Variants in DLX6 observed in about 807,000 individuals in gnomAD.
DLX6 encodes distal-less homeobox 6, also known as homeobox protein DLX-6.
Under a neutral mutation model 33.5 loss-of-function variants are expected in DLX6, and 4 were observed. The ratio of observed to expected loss-of-function variants is 0.12; its 90% CI spans 0.06 to 0.27. The LOEUF is 0.27. Among genes scored for constraint, DLX6 ranks in the 10% least tolerant of loss-of-function variants. DLX6 has a pLI of 1.00. For synonymous variants in DLX6, 184 were observed against 164.8 expected, an observed-to-expected ratio of 1.12 and a Z score of -0.89; for missense variants, 382 against 393.3, an observed-to-expected ratio of 0.97 and a Z score of 0.24.
At position 97,005,931 on chromosome 7, in the gene DLX6, G is replaced by A; in HGVS notation, c.-47G>A. ...AGCGGCGCGAGCCAAGTGGGGGAGGGTGGAGGAAACCCGGGAGAAGGCTTT... is the reference window on the plus strand; with the variant it reads ...AGCGGCGCGAGCCAAGTGGGGGAGGATGGAGGAAACCCGGGAGAAGGCTTT... On this transcript the variant is annotated 5_prime_UTR_variant, in exon 1 of 3. It adds an upstream start codon to the 5' untranslated region. Coordinates refer to ENST00000518156, the MANE Select transcript of DLX6 (RefSeq NM_005222.4). 6.7e-7 allele frequency: 1 copy of A among 1,495,626 alleles called. No individual in the cohort carries two copies. The highest frequency in any genetic ancestry group is 9.0e-7 in the Non-Finnish European group (1 of 1,114,928). 92.6% of individuals were successfully genotyped at this position (1,495,626 alleles called of 1,614,324 possible).
Position 97,006,066 on chromosome 7 carries a change from AGC to A in DLX6, c.90_91del (p.Gln31AlafsTer123). On this transcript the variant is annotated frameshift_variant, in exon 1 of 3. Transcript: ENST00000518156. LOFTEE classifies it high-confidence loss of function. ...ATGGAGTTCGGGCAGCAGCAGCAGCAGCAGCAGCAACAGCAGCAGCAGCAGCA... is the reference window on the plus strand; with the variant it reads ...ATGGAGTTCGGGCAGCAGCAGCAGCAAGCAGCAACAGCAGCAGCAGCAGCA... The A allele has an allele frequency of 6.3e-7, 1 of 1,578,026 alleles. No individual in the cohort carries two copies.
rs575211886 is a variant in DLX6, at chr7:97,009,676, C to T, written c.631-120C>T. 187 of 1,437,276 alleles carry T rather than the reference C, an allele frequency of 1.3e-4. 1 individual carries two copies. The South Asian group carries it at 2.0e-3, about 15-fold the overall frequency. 89.0% of individuals were successfully genotyped at this position (1,437,276 alleles called of 1,614,324 possible). ...CGGGGACTTGGCTTGTAGGCGTTGG[C>T]GGTGGTTGTTTTTTGTTTTTTGTTT... is the stretch of plus-strand genomic sequence containing the variant. On this transcript the variant is annotated intron_variant, in intron 2 of 2. Transcript: ENST00000518156.
At chr7:97,008,679 C>G (rs1478155929) in intron 2 of DLX6, among the ~76,000 whole-genome samples, 3 of 152,214 alleles carry the variant, frequency 2.0e-5, no homozygotes, top group African/African-American at 7.2e-5. Flanking sequence ...AATTTACCTA[C>G]ATGGAGTAAG....
rs539466091 is a variant in DLX6, at chr7:97,006,537, C to T, written c.436+124C>T. 3.1e-3 allele frequency: 3,283 copies of T among 1,065,270 alleles called. 8 individuals are homozygous for T. Among genetic ancestry groups the T allele is most frequent in the Middle Eastern group, 9.1e-3 (25 of 2,756 alleles). 66.0% of individuals were successfully genotyped at this position (1,065,270 alleles called of 1,614,324 possible). On this transcript the variant is annotated intron_variant, in intron 1 of 2. Transcript: ENST00000518156. ...CCTCCCCCAGGCGGCCCCGCGCGCC[C>T]TTGGCCGGGCCCCGTGCGCGCCCGC...
rs758915143 is a variant in DLX6 at position 97,007,635 on chromosome 7, C to T, written c.437-3C>T. 3.1e-6 allele frequency: 5 copies of T among 1,606,676 alleles called. No individual in the cohort carries two copies. Among genetic ancestry groups the T allele is most frequent in the Non-Finnish European group, 4.3e-6 (5 of 1,176,346 alleles). ...ACCGCTCCTCTGTATTATTTGCTTA[C>T]AGATCAACAAAAAACTACAGTGATT... is the stretch of plus-strand genomic sequence containing the variant. On this transcript the variant is annotated splice_region_variant and splice_polypyrimidine_tract_variant and intron_variant, in intron 1 of 2. Transcript: ENST00000518156.
At chr7:97,006,496 G>T (rs1421674441) in intron 1 of DLX6, 83 bp downstream of exon 1, 1 of 1,162,082 alleles carries the variant, frequency 8.6e-7, no homozygotes, top group African/African-American at 1.8e-5. Flanking sequence ...CTCGACGCCC[G>T]GGCCTCCGCC....
rs759250560 is a variant in DLX6 at position 97,006,112 on chromosome 7, G to A, written c.135G>A (p.Pro45=). 1.3e-5 allele frequency: 20 copies of A among 1,495,124 alleles called. No homozygotes were observed. The highest frequency in any genetic ancestry group is 2.7e-6 in the Non-Finnish European group (3 of 1,106,950). The allele number at this position is 1,495,124 out of a possible 1,614,324, so 92.6% of individuals were successfully genotyped here. A position where few individuals can be genotyped will look rare whatever the true frequency, so the allele number is the denominator to read the frequency against. The part of the protein sequence containing the change: ...QQQQQQQQQQ[P]PPPPPPPPQP... ...AGCAGCAGCAGCAACAGCAACAGCCGCCGCCGCCGCCGCCGCCGCCGCCGC... is the reference window on the plus strand; with the variant it reads ...AGCAGCAGCAGCAACAGCAACAGCCACCGCCGCCGCCGCCGCCGCCGCCGC... Residue 45 remains proline (P), a synonymous_variant, in exon 1 of 3, where the codon CCG becomes CCA. Transcript: ENST00000518156.
intron 2 of DLX6, 50 bp from the exon 3 acceptor site, chr7:97,009,746 A>T (rs1181524358): frequency 6.3e-7 from 1 of 1,587,560 alleles, no homozygotes; most frequent in Admixed American, 1.7e-5. Context: ...GTGACGTTAG[A>T]GGCACTGGTT....
rs1197383614 is a variant in DLX6 at position 97,010,684 on chromosome 7, A to T, written c.*637A>T. ...TCACATAACAGCCCTTCTCTAAAGA[A>T]AAAGGAAAAAGTGGCTGTAAGATTA... On this transcript the variant is annotated 3_prime_UTR_variant, in exon 3 of 3. Transcript: ENST00000518156. 1.3e-5 allele frequency: 2 copies of T among 152,616 alleles called. No individual in the cohort carries two copies. The highest frequency in any genetic ancestry group is 1.3e-4 in the Admixed American group (2 of 15,280). 9.5% of individuals were successfully genotyped at this position (152,616 alleles called of 1,614,324 possible). A position where few individuals can be genotyped will look rare whatever the true frequency, so the allele number is the denominator to read the frequency against.
rs768170698 is a variant in DLX6 at position 97,010,214 on chromosome 7, CCTTT to C, written c.*172_*175del. On this transcript the variant is annotated 3_prime_UTR_variant, in exon 3 of 3. Transcript: ENST00000518156. The stretch of plus-strand genomic sequence containing the variant: ...TCTCCCTCTCTCTCTCTCTCCCTCT[CCTTT>C]CTTTTTACTTCTTCCTTTCCTCCAT... 1 of 670,766 alleles carries C rather than the reference CCTTT, an allele frequency of 1.5e-6. No homozygotes were observed. The highest frequency in any genetic ancestry group is 2.4e-6 in the Non-Finnish European group (1 of 424,012). The allele number at this position is 670,766 out of a possible 1,614,324, so 41.6% of individuals were successfully genotyped here. A position where few individuals can be genotyped will look rare whatever the true frequency, so the allele number is the denominator to read the frequency against.
rs1789722076 is a variant in DLX6 at position 97,006,162 on chromosome 7, C to T, written c.185C>T (p.Pro62Leu). The change falls in exon 1 of 3, where the codon CCG becomes CTG. Residue 62 changes from proline to leucine, a missense_variant. Transcript: ENST00000518156. ...PPQPHSQQSS[P>L]AMAGAHYPLH... ...CAGCCGCACTCGCAGCAGAGCTCCCCGGCCATGGCAGGCGCGCACTACCCT... is the reference window on the plus strand; with the variant it reads ...CAGCCGCACTCGCAGCAGAGCTCCCTGGCCATGGCAGGCGCGCACTACCCT... 7 of 1,543,076 alleles carry T rather than the reference C, an allele frequency of 4.5e-6. No homozygotes were observed. Among genetic ancestry groups the T allele is most frequent in the South Asian group, 3.6e-5 (3 of 83,776 alleles).
In DLX6 at chr7:97,006,070, G is replaced by C; in HGVS notation, c.93G>C (p.Gln31His). The stretch of plus-strand genomic sequence containing the variant: ...AGTTCGGGCAGCAGCAGCAGCAGCA[G>C]CAGCAACAGCAGCAGCAGCAGCAGC... The part of the protein sequence containing the change: ...FMEFGQQQQQ[Q>H]QQQQQQQQQQ... The change falls in exon 1 of 3, where the codon CAG (glutamine) becomes CAC (histidine). Residue 31 changes from glutamine to histidine, a missense_variant. By Grantham distance (24) the Gln-to-His change is conservative (BLOSUM62 0). Coordinates refer to ENST00000518156, the MANE Select transcript of DLX6 (RefSeq NM_005222.4). 3 of 1,570,410 alleles carry C rather than the reference G, an allele frequency of 1.9e-6. No individual in the cohort carries two copies. The highest frequency in any genetic ancestry group is 2.6e-6 in the Non-Finnish European group (3 of 1,158,948).
At position 97,010,282 on chromosome 7, in the gene DLX6, T is replaced by C. The variant is rs922815541; in HGVS notation, c.*235T>C. 1.6e-5 allele frequency: 8 copies of C among 501,896 alleles called. No individual in the cohort carries two copies. Among genetic ancestry groups the C allele is most frequent in the Non-Finnish European group, 2.4e-5 (7 of 289,670 alleles). The allele number at this position is 501,896 out of a possible 1,614,324, so 31.1% of individuals were successfully genotyped here. On this transcript the variant is annotated 3_prime_UTR_variant, in exon 3 of 3. Transcript: ENST00000518156. ...CCTTTTCCTTTCTACCTTTCTTTTCTTTTTGCCTTTCACCTTTTTTCTCAT... is the reference window on the plus strand; with the variant it reads ...CCTTTTCCTTTCTACCTTTCTTTTCCTTTTGCCTTTCACCTTTTTTCTCAT...
In DLX6 at chr7:97,006,109, G is replaced by A. The variant is rs527616759; in HGVS notation, c.132G>A (p.Gln44=). Residue 44 remains glutamine, a synonymous_variant, in exon 1 of 3, where the codon CAG becomes CAA. Transcript: ENST00000518156. ...QQQQQQQQQQ[Q]PPPPPPPPPQ... The stretch of plus-strand genomic sequence containing the variant: ...AGCAGCAGCAGCAGCAACAGCAACA[G>A]CCGCCGCCGCCGCCGCCGCCGCCGC... 29 of 1,185,264 alleles carry A rather than the reference G, an allele frequency of 2.4e-5. No individual in the cohort carries two copies. The African/African-American group carries it at 4.3e-4, about 18-fold the overall frequency. The allele number at this position is 1,185,264 out of a possible 1,614,324, so 73.4% of individuals were successfully genotyped here. A position where few individuals can be genotyped will look rare whatever the true frequency, so the allele number is the denominator to read the frequency against.
At chr7:97,006,621 C>T (rs982046708) in intron 1 of DLX6, 3 of 257,652 alleles carry the variant, frequency 1.2e-5, no homozygotes, top group Admixed American at 6.0e-5. Flanking sequence ...CGCCGCGGAC[C>T]CTCAGCTTCC....
rs780755855 is a variant in DLX6, at chr7:97,007,673, A to G, written c.472A>G (p.Ile158Val). ...QKTTVIENGE[I>V]RFNGKGKKIR... ...AACTACAGTGATTGAAAACGGGGAA[A>G]TCAGGTTCAATGGAAAAGGGAAAAA... is the stretch of plus-strand genomic sequence containing the variant. Residue 158 changes from isoleucine (I) to valine (V), a missense_variant, in exon 2 of 3, where the codon ATC becomes GTC. Physicochemically the swap from Ile to Val is conservative, Grantham distance 29. Around this residue, in one of 4 missense-constraint regions of DLX6, gnomAD observed 25 missense variants for 51.9 expected, o/e 0.48. Coordinates refer to ENST00000518156, the MANE Select transcript of DLX6 (RefSeq NM_005222.4). The G allele has an allele frequency of 3.1e-6, 5 of 1,612,594 alleles. No individual in the cohort carries two copies. In the Admixed American group the frequency reaches 8.4e-5, roughly 27 times the overall value.
chr7:97,005,986 C>A lies in DLX6; in HGVS notation c.9C>A (p.Thr3=), dbSNP rs1304919623. 10 of 1,589,834 alleles carry A rather than the reference C, an allele frequency of 6.3e-6. No homozygotes were observed. Among genetic ancestry groups the A allele is most frequent in the Non-Finnish European group, 8.6e-6 (10 of 1,168,000 alleles). MM[T]MTTMADGLEG... ...AGCCCCCAAAGTTTTTGATGATGACCATGACTACGATGGCTGACGGCTTGG... is the reference window on the plus strand; with the variant it reads ...AGCCCCCAAAGTTTTTGATGATGACAATGACTACGATGGCTGACGGCTTGG... Residue 3 remains threonine, a synonymous_variant, in exon 1 of 3, where the codon ACC becomes ACA. Coordinates refer to ENST00000518156, the MANE Select transcript of DLX6 (RefSeq NM_005222.4).
chr7:97,006,052 G>GCAGCAGCAGCAGCAGCAGCAGCAA lies in DLX6; in HGVS notation c.105_128dup (p.Gln37_Gln44dup), dbSNP rs775320932. ...CCAAATCCGCCTTCATGGAGTTCGGGCAGCAGCAGCAGCAGCAGCAGCAAC... is the reference window on the plus strand; with the variant it reads ...CCAAATCCGCCTTCATGGAGTTCGGGCAGCAGCAGCAGCAGCAGCAGCAACAGCAGCAGCAGCAGCAGCAGCAAC... On this transcript the variant is annotated inframe_insertion, in exon 1 of 3. Transcript: ENST00000518156. The GCAGCAGCAGCAGCAGCAGCAGCAA allele has an allele frequency of 4.5e-4, 692 of 1,531,450 alleles. 2 individuals carry two copies. Among genetic ancestry groups the GCAGCAGCAGCAGCAGCAGCAGCAA allele is most frequent in the East Asian group, 8.0e-4 (32 of 40,046 alleles). The allele number at this position is 1,531,450 out of a possible 1,614,324, so 94.9% of individuals were successfully genotyped here.
rs569565671 is a variant in DLX6, at chr7:97,005,879, AAG to A, written c.-96_-95del. 1 of 684,492 alleles carries A rather than the reference AAG, an allele frequency of 1.5e-6. No individual in the cohort carries two copies. The highest frequency in any genetic ancestry group is 2.1e-6 in the Non-Finnish European group (1 of 473,670). The allele number at this position is 684,492 out of a possible 1,614,324, so 42.4% of individuals were successfully genotyped here. A position where few individuals can be genotyped will look rare whatever the true frequency, so the allele number is the denominator to read the frequency against. On this transcript the variant is annotated 5_prime_UTR_variant, in exon 1 of 3. Transcript: ENST00000518156. ...TTTTTTTTTTTTTTGCAAGGATCCA[AAG>A]AGCTAAGGTGGCTGCAGAGGGGAGA...
Sources: allele counts gnomAD v4.1 joint callset (sites outside exome capture counted in the v4.1 genomes callset), GRCh38; gene constraint gnomAD v4.1.1; regional missense constraint gnomAD v4.1.1; transcripts MANE v1.5; gene names NCBI Gene and HGNC (gene_info 2026-07-23, HGNC 2026-07-21).